Variants in GPC5 observed in about 807,000 individuals in gnomAD.
GPC5 encodes the protein glypican-5.
In GPC5, 47 loss-of-function variants were observed where a neutral mutation model predicts 53.9. The ratio of observed to expected loss-of-function variants is 0.87; its 90% CI spans 0.69 to 1.11. The LOEUF is 1.11. Among genes scored for constraint, GPC5 ranks in the 50% most tolerant of loss-of-function variants. GPC5 has a pLI of 0.00. For missense variants in GPC5, 748 were observed against 713.1 expected, an observed-to-expected ratio of 1.05 and a Z score of -0.56; for synonymous variants, 286 against 263.3, an observed-to-expected ratio of 1.09 and a Z score of -0.84.
At chr13:92,530,050 C>A (rs1461983723) in intron 7 of GPC5, among the ~76,000 whole-genome samples, 1 of 152,086 alleles carries the variant, frequency 6.6e-6, no homozygotes, top group African/African-American at 2.4e-5. Context: ...GCCACTGCAC[C>A]CCAGCCTGGG....
chr13:92,575,047 G>C (rs181312356), intron 7 of GPC5, among the ~76,000 whole-genome samples: 1 of 152,102 alleles, frequency 6.6e-6, no homozygotes, highest in Non-Finnish European at 1.5e-5. Flanking sequence ...CTCCTGAGGC[G>C]CTACCCTTGG....
In GPC5 at chr13:92,141,346, C is replaced by T. The variant is rs138165598; in HGVS notation, c.1402-3484C>T. Among the ~76,000 whole-genome samples, 253 of 152,136 alleles carry T rather than the reference C, an allele frequency of 1.7e-3. 2 individuals carry two copies. Among genetic ancestry groups the T allele is most frequent in the African/African-American group, 5.8e-3 (242 of 41,516 alleles). On this transcript the variant is annotated intron_variant, in intron 6 of 7. Transcript: ENST00000377067. ...TGAGAATCACGAATCGGGTGGGATC[C>T]TGGATATATCTGAATCACGCAATTA...
At chr13:91,799,026 C>T (rs2989991) in intron 5 of GPC5, among the ~76,000 whole-genome samples, 54,643 of 151,912 alleles carry the variant, frequency 0.36, 11,126 homozygotes, top group African/African-American at 0.56. Flanking sequence ...AAGTGTCACA[C>T]ACACTCATAT....
intron 2 of GPC5, among the ~76,000 whole-genome samples, chr13:91,570,135 G>A (rs767084668): frequency 1.3e-4 from 20 of 152,110 alleles, no homozygotes; most frequent in Admixed American, 5.9e-4. Flanking sequence ...TATAAAAGTC[G>A]CCATAAACAA....
intron 3 of GPC5, among the ~76,000 whole-genome samples, chr13:91,727,491 T>A (rs1426292239): frequency 2.0e-5 from 3 of 152,212 alleles, no homozygotes; most frequent in Admixed American, 6.5e-5. Flanking sequence ...TTACTCATAT[T>A]TTCCCTATTA....
chr13:92,181,541 T>G (rs2042147284), intron 7 of GPC5, among the ~76,000 whole-genome samples: 1 of 152,238 alleles, frequency 6.6e-6, no homozygotes, highest in Admixed American at 6.5e-5. Context: ...GGGGTGATAT[T>G]GTTAAGTTTT....
intron 7 of GPC5, among the ~76,000 whole-genome samples, chr13:92,506,022 G>A (rs1396878126): frequency 1.3e-5 from 2 of 152,130 alleles, no homozygotes; most frequent in Non-Finnish European, 2.9e-5. Context: ...TAACTGTTCG[G>A]CCTTCTTTTC....
chr13:91,420,881 C>A (rs1878576794), intron 1 of GPC5, among the ~76,000 whole-genome samples: 1 of 152,218 alleles, frequency 6.6e-6, no homozygotes, highest in East Asian at 1.9e-4. Context: ...CCATGTGGAA[C>A]TGTGAGTCAA....
intron 7 of GPC5, among the ~76,000 whole-genome samples, chr13:92,282,804 A>G (rs1158455373): frequency 6.6e-6 from 1 of 152,234 alleles, no homozygotes; most frequent in Non-Finnish European, 1.5e-5. Context: ...AATTGTAAAG[A>G]CCATCGATGC....
intron 6 of GPC5, among the ~76,000 whole-genome samples, chr13:92,083,547 C>T (rs1189801146): frequency 6.6e-6 from 1 of 152,112 alleles, no homozygotes; most frequent in Non-Finnish European, 1.5e-5. Context: ...ACATTGTGCA[C>T]ATGTACCTTA....
At chr13:92,472,538 T>A (rs545535280) in intron 7 of GPC5, among the ~76,000 whole-genome samples, 1 of 152,252 alleles carries the variant, frequency 6.6e-6, no homozygotes, top group African/African-American at 2.4e-5. Context: ...GTTGCCCAAA[T>A]AGAACAGCTT....
chr13:91,851,086 C>T (rs144090244), intron 5 of GPC5, among the ~76,000 whole-genome samples: 8 of 152,158 alleles, frequency 5.3e-5, no homozygotes, highest in East Asian at 3.9e-4. Context: ...GGCCTATAAT[C>T]GAGGCTTGAG....
chr13:92,795,757 A>G (rs2138780838), intron 7 of GPC5, among the ~76,000 whole-genome samples: 1 of 152,324 alleles, frequency 6.6e-6, no homozygotes, highest in African/African-American at 2.4e-5. Flanking sequence ...AGACACATGA[A>G]AAAATGCTCA....
At chr13:91,730,552 A>C (rs1223767153) in intron 4 of GPC5, among the ~76,000 whole-genome samples, 2 of 152,144 alleles carry the variant, frequency 1.3e-5, no homozygotes, top group Non-Finnish European at 2.9e-5. Flanking sequence ...TCAAGTGTGT[A>C]GTTTCTACCA....
intron 7 of GPC5, among the ~76,000 whole-genome samples, chr13:92,820,362 T>G (rs529885263): frequency 3.3e-5 from 5 of 152,312 alleles, no homozygotes; most frequent in African/African-American, 9.6e-5. Flanking sequence ...CTCAAACCTT[T>G]CAGGTTTTGT....
At chr13:91,984,037 C>T (rs1461058718) in intron 6 of GPC5, among the ~76,000 whole-genome samples, 1 of 152,082 alleles carries the variant, frequency 6.6e-6, no homozygotes, top group African/African-American at 2.4e-5. Flanking sequence ...AAGTGTCCAA[C>T]TTTATATTTC....
At chr13:92,557,790 C>T (rs1322165912) in intron 7 of GPC5, among the ~76,000 whole-genome samples, 3 of 151,890 alleles carry the variant, frequency 2.0e-5, no homozygotes, top group Non-Finnish European at 4.4e-5. Context: ...TGCACAGAGT[C>T]ACCCTCAATC....
At chr13:92,772,825 C>A (rs954619610) in intron 7 of GPC5, among the ~76,000 whole-genome samples, 1 of 152,110 alleles carries the variant, frequency 6.6e-6, no homozygotes, top group African/African-American at 2.4e-5. Context: ...TTAAGAATTT[C>A]TTTTCCTGGT....
chr13:91,981,995 G>A (rs927864053), intron 6 of GPC5, among the ~76,000 whole-genome samples: 8 of 152,186 alleles, frequency 5.3e-5, no homozygotes, highest in African/African-American at 1.9e-4. Context: ...GGAAAGGGAG[G>A]CAGGAGTCTG....
Sources: gnomAD v4.1 joint callset for allele counts (sites outside exome capture counted in the v4.1 genomes callset) on GRCh38, gnomAD v4.1.1 for gene constraint, MANE v1.5 for transcripts, NCBI Gene and HGNC (gene_info 2026-07-23, HGNC 2026-07-21) for gene names.